Variants in PEX14 observed in about 807,000 individuals in gnomAD.
PEX14 encodes the protein peroxisomal membrane protein PEX14.
A neutral mutation model predicts 49.5 loss-of-function variants in PEX14; 15 were observed. That is an observed-to-expected ratio of 0.30 (90% CI 0.20 to 0.47). The LOEUF is 0.47. Ranked by LOEUF, PEX14 falls within the 20% of genes least tolerant of loss-of-function variation. PEX14 has a pLI of 1.00. For synonymous variants in PEX14, 210 were observed against 212.7 expected, an observed-to-expected ratio of 0.99 and a Z score of 0.11; for missense variants, 398 against 494.8, an observed-to-expected ratio of 0.80 and a Z score of 1.86.
intron 2 of PEX14, among the ~76,000 whole-genome samples, chr1:10,504,967 TAGAGA>T (rs1303486424): frequency 6.6e-6 from 1 of 152,054 alleles, no homozygotes; most frequent in African/African-American, 2.4e-5. Flanking sequence ...GTATTTTTAG[TAGAGA>T]CGGAGTTTCA....
intron 3 of PEX14, among the ~76,000 whole-genome samples, chr1:10,552,072 G>A (rs1639349445): frequency 6.6e-6 from 1 of 150,992 alleles, no homozygotes; most frequent in African/African-American, 2.4e-5. Context: ...CAGCCTGGGC[G>A]ACAGAACAAG....
chr1:10,543,180 G>C (rs1639069173), intron 3 of PEX14, among the ~76,000 whole-genome samples: 1 of 152,202 alleles, frequency 6.6e-6, no homozygotes, highest in Non-Finnish European at 1.5e-5. Flanking sequence ...TGTCGCCCAG[G>C]GTGGAGTGCA....
chr1:10,491,926 G>T (rs1443983272), intron 1 of PEX14, among the ~76,000 whole-genome samples: 1 of 151,824 alleles, frequency 6.6e-6, no homozygotes, highest in Non-Finnish European at 1.5e-5. Flanking sequence ...CAAGTGATTC[G>T]CTCACCTTGG....
chr1:10,523,282 G>A (rs1204623829), intron 2 of PEX14, among the ~76,000 whole-genome samples: 1 of 152,056 alleles, frequency 6.6e-6, no homozygotes, highest in Non-Finnish European at 1.5e-5. Flanking sequence ...GTAAAGCTTC[G>A]CAGCGTATAA....
intron 2 of PEX14, among the ~76,000 whole-genome samples, chr1:10,530,666 C>T (rs1478184422): frequency 2.6e-5 from 4 of 152,222 alleles, no homozygotes; most frequent in Non-Finnish European, 5.9e-5. Context: ...TAACTTTCCC[C>T]TCTTACCTGG....
At chr1:10,571,930 G>A (rs910966461) in intron 3 of PEX14, among the ~76,000 whole-genome samples, 1 of 152,114 alleles carries the variant, frequency 6.6e-6, no homozygotes, top group African/African-American at 2.4e-5. Flanking sequence ...TAAAGGGAGG[G>A]AGTTTTCATA....
intron 3 of PEX14, among the ~76,000 whole-genome samples, chr1:10,596,419 C>T (rs1244595665): frequency 6.6e-6 from 1 of 152,182 alleles, no homozygotes; most frequent in Admixed American, 6.5e-5. Flanking sequence ...TGTATTGTTT[C>T]AATGTAGCCC....
At chr1:10,580,519 C>T (rs1320771317) in intron 3 of PEX14, among the ~76,000 whole-genome samples, 2 of 151,960 alleles carry the variant, frequency 1.3e-5, no homozygotes, top group Non-Finnish European at 2.9e-5. Context: ...GCCACTGCAC[C>T]CAAACAGGCG....
chr1:10,532,560 A>G (rs111413946), intron 2 of PEX14, among the ~76,000 whole-genome samples: 179 of 152,342 alleles, frequency 1.2e-3, no homozygotes, highest in African/African-American at 4.2e-3. Context: ...ACCAGCAAGC[A>G]GCTTCGACGG....
In PEX14 at chr1:10,606,255, C is replaced by A. The variant is rs145597536; in HGVS notation, c.298+6889C>A. Reference sequence around the variant, plus strand: ...ATTCCTGACTGGCTCTCATCCGTCTCGTGGTGCAGTGTGAATGCTTCAGCT... The same window carrying A: ...ATTCCTGACTGGCTCTCATCCGTCTAGTGGTGCAGTGTGAATGCTTCAGCT... On this transcript the variant is annotated intron_variant, in intron 4 of 8. Coordinates refer to ENST00000356607, the MANE Select transcript of PEX14 (RefSeq NM_004565.3). 3.3e-4 allele frequency among the ~76,000 whole-genome samples: 50 copies of A among 152,352 alleles called. No homozygotes were observed. The East Asian group carries it at 9.6e-3, about 29-fold the overall frequency.
At chr1:10,618,236 G>A in intron 4 of PEX14, 96 bp from the exon 5 acceptor site, 1 of 859,706 alleles carries the variant, frequency 1.2e-6, no homozygotes, top group Non-Finnish European at 2.0e-6. Context: ...ATTGTTGGAG[G>A]CGAGGAGACT....
intron 3 of PEX14, among the ~76,000 whole-genome samples, chr1:10,591,870 C>T (rs1051658539): frequency 2.0e-5 from 3 of 152,288 alleles, no homozygotes; most frequent in South Asian, 2.1e-4. Flanking sequence ...CAGAGAGCCC[C>T]GTGTGGGAAT....
intron 1 of PEX14, among the ~76,000 whole-genome samples, chr1:10,487,393 G>A (rs962034805): frequency 1.4e-5 from 2 of 140,436 alleles, no homozygotes; most frequent in Non-Finnish European, 3.1e-5. Flanking sequence ...TTCCTTAAAT[G>A]TTTGATAGTA....
chr1:10,504,267 C>T (rs1160830156), intron 2 of PEX14, among the ~76,000 whole-genome samples: 4 of 152,180 alleles, frequency 2.6e-5, no homozygotes, highest in African/African-American at 9.7e-5. Flanking sequence ...ATGCTTGTTG[C>T]TCCACAAATC....
rs147389194 is a variant in PEX14 at position 10,626,520 on chromosome 1, C to T, written c.586-752C>T. 1.6e-3 allele frequency among the ~76,000 whole-genome samples: 242 copies of T among 152,376 alleles called. 1 individual carries two copies. Among genetic ancestry groups the T allele is most frequent in the African/African-American group, 5.6e-3 (232 of 41,592 alleles). Reference sequence around the variant, plus strand: ...GAGCCCACAGCAGCCCCCGACCCCACGTCAGAGGCCAGGCCTCTGTAAGCC... The same window carrying T: ...GAGCCCACAGCAGCCCCCGACCCCATGTCAGAGGCCAGGCCTCTGTAAGCC... On this transcript the variant is annotated intron_variant, in intron 7 of 8. Transcript: ENST00000356607.
At chr1:10,627,442 T>TGACGCC (rs971428811) in intron 8 of PEX14, 79 bp downstream of exon 8, 12 of 1,007,690 alleles carry the variant, frequency 1.2e-5, no homozygotes, top group Non-Finnish European at 1.9e-5. Context: ...GGGAGGGGCA[T>TGACGCC]GACGCCCACC....
chr1:10,627,359 A>C lies in PEX14; in HGVS notation c.673A>C (p.Asn225His). 3.7e-6 allele frequency: 6 copies of C among 1,602,840 alleles called. No individual in the cohort carries two copies. Among genetic ancestry groups the C allele is most frequent in the Non-Finnish European group, 5.1e-6 (6 of 1,169,990 alleles). Residue 225 changes from asparagine (N) to histidine (H), a missense_variant, in exon 8 of 9, where the codon AAT (asparagine) becomes CAT (histidine). Asn to His is a moderately conservative substitution (Grantham distance 68). Coordinates refer to ENST00000356607, the MANE Select transcript of PEX14 (RefSeq NM_004565.3). Reference sequence around the variant, plus strand: ...TAACTCCTTGAAAGGGCTTCTTTTAAATCGGTAGGAGGGAGGAATGGGGAC... The same window carrying C: ...TAACTCCTTGAAAGGGCTTCTTTTACATCGGTAGGAGGGAGGAATGGGGAC... ...EINSLKGLLL[N>H]RRQFPPSPSA...
intron 2 of PEX14, among the ~76,000 whole-genome samples, chr1:10,503,003 G>A (rs1225203246): frequency 6.6e-6 from 1 of 151,308 alleles, no homozygotes; most frequent in Non-Finnish European, 1.5e-5. Context: ...GTCTCACTAT[G>A]TTGCCCAGGC....
intron 4 of PEX14, among the ~76,000 whole-genome samples, chr1:10,599,823 C>CT (rs1640932809): frequency 6.6e-6 from 1 of 152,168 alleles, no homozygotes; most frequent in South Asian, 2.1e-4. Context: ...ATTTCCCTCC[C>CT]TCCCTTGTCC....
Sources: gnomAD v4.1 joint callset for allele counts (sites outside exome capture counted in the v4.1 genomes callset) on GRCh38, gnomAD v4.1.1 for gene constraint, MANE v1.5 for transcripts, NCBI Gene and HGNC (gene_info 2026-07-23, HGNC 2026-07-21) for gene names.